Variants in KDM4C observed in about 807,000 individuals in gnomAD.
The protein encoded by KDM4C is lysine-specific demethylase 4C.
A neutral mutation model predicts 129.3 loss-of-function variants in KDM4C; 81 were observed. The observed-to-expected ratio is 0.63, with a 90% CI of 0.52 to 0.75. KDM4C has a LOEUF of 0.75. Ranked by LOEUF, KDM4C falls within the 30% of genes least tolerant of loss-of-function variation. The probability of loss-of-function intolerance (pLI) is 0.00; values close to 1 mark genes in which losing one functional copy is unlikely to be tolerated. For missense variants in KDM4C, 1,457 were observed against 1,304.0 expected, an observed-to-expected ratio of 1.12 and a Z score of -1.81; for synonymous variants, 573 against 456.1, an observed-to-expected ratio of 1.26 and a Z score of -3.26.
chr9:7,138,473 T>G (rs891553566), intron 19 of KDM4C, among the ~76,000 whole-genome samples: 29 of 152,180 alleles, frequency 1.9e-4, no homozygotes, highest in African/African-American at 7.0e-4. Context: ...CAGATCAAAG[T>G]AGATTTTTCC....
At position 6,760,445 on chromosome 9, in the gene KDM4C, G is replaced by GTATATATATATATATATA. The variant is rs60954996; in HGVS notation, c.-18+2245_-18+2262dup. On this transcript the variant is annotated intron_variant, in intron 1 of 21. Transcript: ENST00000381309. ...GGACGCGTGTTTTCTCTACTCTTGG[G>GTATATATATATATATATA]TATATATATATATATATATAATGTA... is the stretch of plus-strand genomic sequence containing the variant. Among the ~76,000 whole-genome samples, 651 of 142,430 alleles carry GTATATATATATATATATA rather than the reference G, an allele frequency of 4.6e-3. 5 individuals are homozygous for GTATATATATATATATATA. Among genetic ancestry groups the GTATATATATATATATATA allele is most frequent in the Non-Finnish European group, 6.1e-3 (403 of 65,592 alleles). The allele number at this position is 142,430 out of a possible 152,430, so 93.4% of individuals were successfully genotyped here. A position where few individuals can be genotyped will look rare whatever the true frequency, so the allele number is the denominator to read the frequency against.
At chr9:6,997,094 A>G (rs1819901639) in intron 12 of KDM4C, among the ~76,000 whole-genome samples, 2 of 152,224 alleles carry the variant, frequency 1.3e-5, no homozygotes, top group South Asian at 2.1e-4. Context: ...TTTACAAAGT[A>G]GTGATGGTAG....
At chr9:6,799,418 A>G (rs571822864) in intron 2 of KDM4C, among the ~76,000 whole-genome samples, 16 of 152,240 alleles carry the variant, frequency 1.1e-4, no homozygotes, top group African/African-American at 3.1e-4. Flanking sequence ...TACGAAAACC[A>G]GTCAGGAGTG....
At chr9:6,801,618 GCTCT>G (rs147393202) in intron 2 of KDM4C, among the ~76,000 whole-genome samples, 24 of 145,426 alleles carry the variant, frequency 1.7e-4, no homozygotes, top group Non-Finnish European at 1.7e-4. Context: ...GTGCAGATAT[GCTCT>G]CTCTCTCTCT....
At chr9:7,048,332 G>C (rs16925222) in intron 16 of KDM4C, among the ~76,000 whole-genome samples, 6,648 of 152,174 alleles carry the variant, frequency 0.044, 190 homozygotes, top group East Asian at 0.11. Context: ...GATAGAGTCT[G>C]ATACTGTTTG....
intron 18 of KDM4C, among the ~76,000 whole-genome samples, chr9:7,125,753 A>C (rs1839968185): frequency 6.6e-6 from 1 of 152,206 alleles, no homozygotes; most frequent in Non-Finnish European, 1.5e-5. Flanking sequence ...GTAGGTACAG[A>C]TGACATGTCA....
chr9:7,090,998 A>T (rs1418060502), intron 17 of KDM4C, among the ~76,000 whole-genome samples: 1 of 152,218 alleles, frequency 6.6e-6, no homozygotes, highest in Non-Finnish European at 1.5e-5. Flanking sequence ...GCATGGATGC[A>T]TTTTATGGGC....
intron 15 of KDM4C, among the ~76,000 whole-genome samples, chr9:7,039,048 T>A (rs1828121670): frequency 1.3e-5 from 2 of 152,040 alleles, no homozygotes; most frequent in Admixed American, 6.6e-5. Context: ...AATTTTGATA[T>A]GTATCTTTTG....
intron 17 of KDM4C, among the ~76,000 whole-genome samples, chr9:7,052,381 T>C (rs1369690420): frequency 6.6e-6 from 1 of 152,200 alleles, no homozygotes; most frequent in African/African-American, 2.4e-5. Context: ...TGAGTAAATA[T>C]TTATGAAATG....
Position 6,785,789 on chromosome 9 carries a change from T to TG in KDM4C, c.-17-7177dup, listed in dbSNP as rs1188699616. On this transcript the variant is annotated intron_variant, in intron 1 of 21. Coordinates refer to ENST00000381309, the MANE Select transcript of KDM4C (RefSeq NM_015061.6). ...GGGGGTTAGGTTTCAGCGTGTCTTT[T>TG]GGGGGGACACAAGTCAATCCCTAAC... Among the ~76,000 whole-genome samples, 5 of 152,204 alleles carry TG rather than the reference T, an allele frequency of 3.3e-5. No homozygotes were observed. In the East Asian group the frequency reaches 7.7e-4, roughly 23 times the overall value.
chr9:7,053,321 C>A (rs990284955), intron 17 of KDM4C, among the ~76,000 whole-genome samples: 1 of 152,178 alleles, frequency 6.6e-6, no homozygotes, highest in African/African-American at 2.4e-5. Context: ...GTAAATTATT[C>A]GTGCAAGGAG....
intron 4 of KDM4C, among the ~76,000 whole-genome samples, chr9:6,826,853 T>A (rs1833965937): frequency 6.8e-6 from 1 of 147,780 alleles, no homozygotes; most frequent in Admixed American, 6.8e-5. Context: ...GGCGACAGAG[T>A]GAAACTCCAT....
intron 4 of KDM4C, among the ~76,000 whole-genome samples, chr9:6,816,605 A>C (rs1000345285): frequency 6.6e-6 from 1 of 152,224 alleles, no homozygotes. Context: ...GGTTAGCTTT[A>C]GAAGAAAACA....
chr9:6,783,431 G>T (rs546353673), intron 1 of KDM4C, among the ~76,000 whole-genome samples: 1 of 152,282 alleles, frequency 6.6e-6, no homozygotes, highest in South Asian at 2.1e-4. Flanking sequence ...TCAAATGACT[G>T]TGCCTAGCAG....
At position 7,011,844 on chromosome 9, in the gene KDM4C, T is replaced by G. The variant is rs1822765624; in HGVS notation, c.1933T>G (p.Cys645Gly). The change falls in exon 13 of 22, where the codon TGT (cysteine) becomes GGT (glycine). Residue 645 changes from cysteine (C) to glycine (G), a missense_variant. Cys to Gly is a radical substitution (Grantham distance 159). Coordinates refer to ENST00000381309, the MANE Select transcript of KDM4C (RefSeq NM_015061.6). ...AACAGTGGCCAGGATGAAGCCACAC[T>G]GTGCCATCTGCACTCTGCTCATGCC... ...NATVARMKPH[C>G]AICTLLMPYH... The G allele has an allele frequency of 1.2e-6, 2 of 1,613,876 alleles. No homozygotes were observed. The highest frequency in any genetic ancestry group is 3.3e-5 in the Admixed American group (2 of 60,002).
At chr9:7,122,261 A>ACTCTCTCTCT (rs747083483) in intron 18 of KDM4C, among the ~76,000 whole-genome samples, 1,460 of 137,086 alleles carry the variant, frequency 0.011, 21 homozygotes, top group East Asian at 0.038. Context: ...ACACACACAC[A>ACTCTCTCTCT]CACACTCTCT....
intron 17 of KDM4C, among the ~76,000 whole-genome samples, chr9:7,062,258 G>A (rs996169912): frequency 2.0e-5 from 3 of 152,148 alleles, no homozygotes; most frequent in Admixed American, 6.6e-5. Flanking sequence ...GTGAACCACT[G>A]TGCCCGGCCA....
intron 6 of KDM4C, among the ~76,000 whole-genome samples, chr9:6,884,905 C>A (rs1324041630): frequency 1.3e-5 from 2 of 152,214 alleles, no homozygotes; most frequent in Non-Finnish European, 2.9e-5. Context: ...GTATAGAGAA[C>A]TTCTCATTTG....
At chr9:7,024,761 C>A (rs1203768302) in intron 15 of KDM4C, among the ~76,000 whole-genome samples, 1 of 152,286 alleles carries the variant, frequency 6.6e-6, no homozygotes, top group South Asian at 2.1e-4. Flanking sequence ...GATTCCAAGT[C>A]TTTGCTATTG....
Sources: allele counts gnomAD v4.1 joint callset (sites outside exome capture counted in the v4.1 genomes callset), GRCh38; gene constraint gnomAD v4.1.1; transcripts MANE v1.5; gene names NCBI Gene and HGNC (gene_info 2026-07-23, HGNC 2026-07-21).